PAPPA2: variants seen among roughly 807,000 people sequenced by gnomAD.
The protein encoded by PAPPA2 is pappalysin-2.
In PAPPA2, 86 loss-of-function variants were observed where a neutral mutation model predicts 176.4. The ratio of observed to expected loss-of-function variants is 0.49; its 90% CI spans 0.41 to 0.58. The LOEUF (loss-of-function observed/expected upper bound fraction) is 0.58. Ranked by LOEUF, PAPPA2 falls within the 20% of genes least tolerant of loss-of-function variation. The probability of loss-of-function intolerance (pLI) is 0.00; values close to 1 mark genes in which losing one functional copy is unlikely to be tolerated. For missense variants in PAPPA2, 2,073 were observed against 2,256.9 expected, an observed-to-expected ratio of 0.92 and a Z score of 1.65; for synonymous variants, 809 against 852.2, an observed-to-expected ratio of 0.95 and a Z score of 0.88.
At chr1:176,479,931 CA>C (rs1652311607) in intron 1 of PAPPA2, among the ~76,000 whole-genome samples, 1 of 152,206 alleles carries the variant, frequency 6.6e-6, no homozygotes, top group Non-Finnish European at 1.5e-5. Context: ...ATTATATTCA[CA>C]AGCTTGGATT....
intron 10 of PAPPA2, among the ~76,000 whole-genome samples, chr1:176,709,035 A>G (rs887787675): frequency 3.3e-5 from 5 of 152,164 alleles, no homozygotes; most frequent in East Asian, 1.9e-4. Context: ...TTTCTCAGCT[A>G]TCTACATTTG....
chr1:176,825,811 G>A (rs1387937912), intron 21 of PAPPA2, among the ~76,000 whole-genome samples: 1 of 152,186 alleles, frequency 6.6e-6, no homozygotes, highest in African/African-American at 2.4e-5. Context: ...TTAAGAAAGA[G>A]GAAAAATGTC....
Position 176,594,545 on chromosome 1 carries a change from A to T in PAPPA2, c.941A>T (p.His314Leu), listed in dbSNP as rs775389506. 6.2e-6 allele frequency: 10 copies of T among 1,613,868 alleles called. No individual in the cohort carries two copies. The South Asian group carries it at 9.9e-5, about 16-fold the overall frequency. Residue 314 changes from histidine to leucine, a missense_variant, in exon 3 of 23, where the codon CAC becomes CTC. His to Leu is a moderately conservative substitution (Grantham distance 99, BLOSUM62 -3). Around this residue, in one of 4 missense-constraint regions of PAPPA2, gnomAD observed 1,196 missense variants for 1,330.4 expected, o/e 0.90. Transcript: ENST00000367662. Reference protein sequence around the residue: ...IIAGVFDNCSHTVSDKGWALG... With the variant: ...IIAGVFDNCSLTVSDKGWALG... ...CCAGGTGTGTTTGATAACTGCTCCC[A>T]CACTGTCAGTGACAAAGGCTGGGCC...
chr1:176,796,616 T>TTTTCTTTTCTTTTC (rs1553205942), intron 20 of PAPPA2, among the ~76,000 whole-genome samples: 4 of 116,450 alleles, frequency 3.4e-5, no homozygotes, highest in Non-Finnish European at 5.2e-5. Flanking sequence ...TTTTCTTTTC[T>TTTTCTTTTCTTTTC]TTTCTTTCTT....
intron 1 of PAPPA2, among the ~76,000 whole-genome samples, chr1:176,493,912 G>T (rs1569639): frequency 0.62 from 93,900 of 152,110 alleles, 31,069 homozygotes; most frequent in East Asian, 0.95. Flanking sequence ...CTTAGTTAGA[G>T]AATTTTTTTG....
chr1:176,754,049 G>A (rs1439830956), intron 14 of PAPPA2, among the ~76,000 whole-genome samples: 1 of 151,050 alleles, frequency 6.6e-6, no homozygotes, highest in Non-Finnish European at 1.5e-5. Context: ...AACTCATGAG[G>A]TTATAGAGGA....
chr1:176,798,424 G>A (rs75085403), intron 20 of PAPPA2, among the ~76,000 whole-genome samples: 7,935 of 152,258 alleles, frequency 0.052, 253 homozygotes, highest in South Asian at 0.16. Context: ...TGACTGATTA[G>A]GGTGGGGAAC....
chr1:176,672,804 T>C (rs544165098), intron 4 of PAPPA2, among the ~76,000 whole-genome samples: 71 of 152,304 alleles, frequency 4.7e-4, no homozygotes, highest in African/African-American at 1.7e-3. Context: ...CTATAGTACC[T>C]GATTCAGTTT....
chr1:176,658,553 T>C (rs1658149264), intron 3 of PAPPA2, among the ~76,000 whole-genome samples: 1 of 151,988 alleles, frequency 6.6e-6, no homozygotes. Context: ...TATTTTAGGC[T>C]GGGGTGATCA....
intron 3 of PAPPA2, among the ~76,000 whole-genome samples, chr1:176,642,747 A>G (rs1177262404): frequency 6.6e-6 from 1 of 151,968 alleles, no homozygotes; most frequent in Admixed American, 6.6e-5. Flanking sequence ...GTAAGAATGA[A>G]TATGGAGGAG....
Position 176,779,957 on chromosome 1 carries a change from C to T in PAPPA2, c.4715+8777C>T, listed in dbSNP as rs1664641062. ...AATCAGCTCTTTTTCTTCCAGCCCA[C>T]ATCAAGGGATGTAATGTCAGGAGTA... On this transcript the variant is annotated intron_variant, in intron 17 of 22. Coordinates refer to ENST00000367662, the MANE Select transcript of PAPPA2 (RefSeq NM_020318.3). 2.0e-5 allele frequency among the ~76,000 whole-genome samples: 3 copies of T among 152,212 alleles called. No individual in the cohort carries two copies. The South Asian group carries it at 6.2e-4, about 31-fold the overall frequency.
At chr1:176,581,262 AGTT>A (rs1573073678) in intron 2 of PAPPA2, among the ~76,000 whole-genome samples, 1 of 152,172 alleles carries the variant, frequency 6.6e-6, no homozygotes, top group Non-Finnish European at 1.5e-5. Context: ...GTCAAAAATC[AGTT>A]GTTGTGGATA....
intron 3 of PAPPA2, among the ~76,000 whole-genome samples, chr1:176,666,131 CT>C (rs1432240121): frequency 6.6e-6 from 1 of 152,086 alleles, no homozygotes; most frequent in African/African-American, 2.4e-5. Context: ...AAAAGAGGAA[CT>C]CACAATGGAG....
intron 3 of PAPPA2, among the ~76,000 whole-genome samples, chr1:176,669,611 A>G (rs956548517): frequency 5.9e-5 from 9 of 152,188 alleles, no homozygotes; most frequent in African/African-American, 1.9e-4. Flanking sequence ...CTAGTTTTCC[A>G]AGATATTATA....
At chr1:176,809,957 T>TGC (rs1666074435) in intron 21 of PAPPA2, among the ~76,000 whole-genome samples, 1 of 39,986 alleles carries the variant, frequency 2.5e-5, no homozygotes, top group Non-Finnish European at 6.7e-5. Context: ...ATGCAGTGTG[T>TGC]GTGTGTGTGT....
intron 3 of PAPPA2, among the ~76,000 whole-genome samples, chr1:176,626,008 G>C (rs1233734168): frequency 6.6e-6 from 1 of 152,148 alleles, no homozygotes; most frequent in Non-Finnish European, 1.5e-5. Context: ...GGGCAACAGA[G>C]TGAGACTCTG....
intron 1 of PAPPA2, among the ~76,000 whole-genome samples, chr1:176,495,537 C>CAAAAAAAAAAAAA (rs537075802): frequency 1.4e-5 from 1 of 69,900 alleles, no homozygotes; most frequent in Non-Finnish European, 2.9e-5. Flanking sequence ...AACTCTGTTT[C>CAAAAAAAAAAAAA]AAAAAAAAAA....
chr1:176,510,862 GA>G (rs889199914), intron 1 of PAPPA2, among the ~76,000 whole-genome samples: 2 of 114,038 alleles, frequency 1.8e-5, no homozygotes, highest in Non-Finnish European at 3.7e-5. Flanking sequence ...CCCCAAAAAT[GA>G]AAAAACAGAG....
intron 1 of PAPPA2, among the ~76,000 whole-genome samples, chr1:176,489,455 A>C (rs539031326): frequency 6.6e-6 from 1 of 152,302 alleles, no homozygotes; most frequent in African/African-American, 2.4e-5. Flanking sequence ...CATGCTTTGG[A>C]GATATTACCA....
Sources: allele counts gnomAD v4.1 joint callset (sites outside exome capture counted in the v4.1 genomes callset), GRCh38; gene constraint gnomAD v4.1.1; regional missense constraint gnomAD v4.1.1; transcripts MANE v1.5; gene names NCBI Gene and HGNC (gene_info 2026-07-23, HGNC 2026-07-21).